Variants in SNTB2 observed in about 807,000 individuals in gnomAD.
SNTB2 encodes the protein beta-2-syntrophin.
A neutral mutation model predicts 46.2 loss-of-function variants in SNTB2; 34 were observed. The observed-to-expected ratio is 0.74, with a 90% CI of 0.56 to 0.98. SNTB2 has a LOEUF of 0.98. Ranked by LOEUF, SNTB2 falls within the 50% of genes least tolerant of loss-of-function variation. The probability of loss-of-function intolerance (pLI) is 0.00; values close to 1 mark genes in which losing one functional copy is unlikely to be tolerated. For missense variants in SNTB2, 603 were observed against 731.4 expected, an observed-to-expected ratio of 0.82 and a Z score of 2.02; for synonymous variants, 290 against 312.6, an observed-to-expected ratio of 0.93 and a Z score of 0.76.
Position 69,292,392 on chromosome 16 carries a change from A to ATTATATATATAT in SNTB2, c.1346-7197_1346-7196insTATATATATATT, listed in dbSNP as rs1567416410. On this transcript the variant is annotated intron_variant, in intron 5 of 6. Transcript: ENST00000336278. The stretch of plus-strand genomic sequence containing the variant: ...TATATATATATATTATATATATATT[A>ATTATATATATAT]TATATATATATATATTATATATATA... 1.5e-4 allele frequency among the ~76,000 whole-genome samples: 4 copies of ATTATATATATAT among 26,362 alleles called. 1 individual carries two copies. The highest frequency in any genetic ancestry group is 1.6e-3 in the East Asian group (2 of 1,274). The allele number at this position is 26,362 out of a possible 152,430, so 17.3% of individuals were successfully genotyped here. A position where few individuals can be genotyped will look rare whatever the true frequency, so the allele number is the denominator to read the frequency against.
At chr16:69,266,122 T>G (rs776879855) in intron 3 of SNTB2, among the ~76,000 whole-genome samples, 24 of 152,118 alleles carry the variant, frequency 1.6e-4, no homozygotes, top group Non-Finnish European at 2.9e-4. Flanking sequence ...CCCAGCACTT[T>G]GGGAGGCTGA....
intron 5 of SNTB2, among the ~76,000 whole-genome samples, chr16:69,298,106 A>G (rs1965245123): frequency 6.6e-6 from 1 of 151,854 alleles, no homozygotes; most frequent in Non-Finnish European, 1.5e-5. Flanking sequence ...GCCCAGATAC[A>G]TTTTTTATTT....
intron 2 of SNTB2, among the ~76,000 whole-genome samples, chr16:69,251,610 C>T (rs1964727711): frequency 1.3e-5 from 2 of 151,686 alleles, no homozygotes; most frequent in South Asian, 4.2e-4. Context: ...GAAACCCCGT[C>T]TCTACTAAAA....
chr16:69,191,886 C>T (rs1334530264), intron 1 of SNTB2, among the ~76,000 whole-genome samples: 1 of 152,172 alleles, frequency 6.6e-6, no homozygotes, highest in Non-Finnish European at 1.5e-5. Flanking sequence ...CGTGATCTGC[C>T]TGCCTCAGCC....
chr16:69,199,778 A>C (rs1964142484), intron 1 of SNTB2, among the ~76,000 whole-genome samples: 2 of 152,098 alleles, frequency 1.3e-5, no homozygotes, highest in African/African-American at 4.8e-5. Context: ...TGCAATCTTA[A>C]TGAAAATTGA....
intron 2 of SNTB2, among the ~76,000 whole-genome samples, chr16:69,247,677 C>T (rs1964683906): frequency 6.6e-6 from 1 of 152,166 alleles, no homozygotes; most frequent in Non-Finnish European, 1.5e-5. Flanking sequence ...GAGCAAGTCC[C>T]TTCACTTCCA....
chr16:69,230,370 T>A (rs1964495771), intron 1 of SNTB2: 1 of 152,080 alleles, frequency 6.6e-6, no homozygotes, highest in South Asian at 2.1e-4. Flanking sequence ...TCTTTTTTTT[T>A]TTTCTTTTTG....
chr16:69,288,476 G>A (rs530933721), intron 5 of SNTB2, among the ~76,000 whole-genome samples: 1 of 152,032 alleles, frequency 6.6e-6, no homozygotes, highest in Non-Finnish European at 1.5e-5. Context: ...AAGCCATATA[G>A]CTGTATTTTA....
chr16:69,284,815 T>C (rs1346187344), intron 5 of SNTB2, among the ~76,000 whole-genome samples: 1 of 151,910 alleles, frequency 6.6e-6, no homozygotes, highest in Non-Finnish European at 1.5e-5. Context: ...AGGGTGGTGG[T>C]GTGCATCTGT....
intron 1 of SNTB2, among the ~76,000 whole-genome samples, chr16:69,201,227 A>G (rs972620497): frequency 6.6e-6 from 1 of 152,184 alleles, no homozygotes; most frequent in Non-Finnish European, 1.5e-5. Context: ...TTATTTAAGC[A>G]CCTTGTATAT....
intron 1 of SNTB2, among the ~76,000 whole-genome samples, chr16:69,220,955 C>T (rs1964397748): frequency 6.6e-6 from 1 of 152,192 alleles, no homozygotes; most frequent in Non-Finnish European, 1.5e-5. Context: ...TTTTCTCCAA[C>T]AAGAGCCAGT....
chr16:69,258,536 T>G (rs1964800133), intron 2 of SNTB2, among the ~76,000 whole-genome samples: 1 of 151,512 alleles, frequency 6.6e-6, no homozygotes, highest in Admixed American at 6.6e-5. Flanking sequence ...GGAGTAATCA[T>G]ATAAAAGTAC....
chr16:69,221,298 A>G (rs1431269123), intron 1 of SNTB2, among the ~76,000 whole-genome samples: 1 of 152,184 alleles, frequency 6.6e-6, no homozygotes, highest in Non-Finnish European at 1.5e-5. Context: ...TGCTTCTACA[A>G]TGTAATAAAT....
At chr16:69,250,249 A>G (rs935123613) in intron 2 of SNTB2, among the ~76,000 whole-genome samples, 27 of 152,232 alleles carry the variant, frequency 1.8e-4, no homozygotes, top group Non-Finnish European at 3.8e-4. Flanking sequence ...AAAAATATGC[A>G]TAACTTTGGC....
intron 1 of SNTB2, among the ~76,000 whole-genome samples, chr16:69,235,222 C>CACCGTT (rs1848099185): frequency 6.6e-6 from 1 of 151,816 alleles, no homozygotes; most frequent in Non-Finnish European, 1.5e-5. Flanking sequence ...AGGCATGAGC[C>CACCGTT]ACCGTTCCCG....
At chr16:69,194,998 A>G (rs745926639) in intron 1 of SNTB2, among the ~76,000 whole-genome samples, 6 of 152,198 alleles carry the variant, frequency 3.9e-5, no homozygotes, top group Middle Eastern at 3.2e-3. Context: ...AGCTTGTTGG[A>G]GCTTTTAAAA....
intron 4 of SNTB2, among the ~76,000 whole-genome samples, chr16:69,272,812 AC>A (rs1964950954): frequency 6.9e-6 from 1 of 145,342 alleles, no homozygotes; most frequent in African/African-American, 2.6e-5. Context: ...AAGTGCTTGA[AC>A]CCAGAGATGG....
intron 5 of SNTB2, among the ~76,000 whole-genome samples, chr16:69,297,360 C>T (rs1965236685): frequency 6.7e-6 from 1 of 148,400 alleles, no homozygotes; most frequent in African/African-American, 2.5e-5. Flanking sequence ...TGGCTCATGC[C>T]TATAATCCCA....
In SNTB2 at chr16:69,187,303, A is replaced by AGAGCCT; in HGVS notation, c.146_151dup (p.Ser49_Leu50dup). On this transcript the variant is annotated inframe_insertion, in exon 1 of 7. Coordinates refer to ENST00000336278, the MANE Select transcript of SNTB2 (RefSeq NM_006750.4). ...CGAGTGGTGGCCGAGCTGAGCGGGG[A>AGAGCCT]GAGCCTGAGCCTGACGGGCGACGCC... The AGAGCCT allele has an allele frequency of 3.4e-6, 5 of 1,484,200 alleles. No individual in the cohort carries two copies. Among genetic ancestry groups the AGAGCCT allele is most frequent in the Non-Finnish European group, 4.4e-6 (5 of 1,124,254 alleles). The allele number at this position is 1,484,200 out of a possible 1,614,324, so 91.9% of individuals were successfully genotyped here.
Sources: gnomAD v4.1 joint callset for allele counts (sites outside exome capture counted in the v4.1 genomes callset) on GRCh38, gnomAD v4.1.1 for gene constraint, MANE v1.5 for transcripts, NCBI Gene and HGNC (gene_info 2026-07-23, HGNC 2026-07-21) for gene names.